TRAF3IP2: variants seen among roughly 807,000 people sequenced by gnomAD.
The protein encoded by TRAF3IP2 is E3 ubiquitin ligase TRAF3IP2.
TRAF3IP2 carries 35 observed loss-of-function variants against 57.9 expected under a neutral mutation model. That is an observed-to-expected ratio of 0.60 (90% confidence interval 0.46 to 0.80). The LOEUF (loss-of-function observed/expected upper bound fraction) is 0.80, where lower values mean the gene tolerates loss of function less well. Ranked by LOEUF, TRAF3IP2 falls within the 30% of genes least tolerant of loss-of-function variation. The pLI is 0.00. For synonymous variants in TRAF3IP2, 251 were observed against 268.9 expected (o/e 0.93, Z 0.65); for missense variants, 556 against 706.4 (o/e 0.79, Z 2.41).
intron 1 of TRAF3IP2, among the ~76,000 whole-genome samples, chr6:111,595,238 G>T (rs973622413): frequency 1.3e-5 from 2 of 152,000 alleles, no homozygotes; most frequent in Non-Finnish European, 2.9e-5. Flanking sequence ...TGTCTCAAAA[G>T]AAAATAAAAT....
intron 3 of TRAF3IP2, among the ~76,000 whole-genome samples, chr6:111,579,987 C>G (rs372929908): frequency 6.6e-6 from 1 of 152,322 alleles, no homozygotes; most frequent in Admixed American, 6.5e-5. Context: ...CGACTAGTCA[C>G]TAGTGGCTTT....
intron 3 of TRAF3IP2, among the ~76,000 whole-genome samples, chr6:111,578,395 C>G (rs771201834): frequency 3.3e-5 from 5 of 152,160 alleles, no homozygotes; most frequent in African/African-American, 9.7e-5. Flanking sequence ...AATCCCAGCA[C>G]TTTGGGAGGC....
At position 111,575,843 on chromosome 6, in the gene TRAF3IP2, G is replaced by C. The variant is rs188232788; in HGVS notation, c.1023-22C>G. The stretch of plus-strand genomic sequence containing the variant: ...GTCCCTAGAAAGGAATACATTTACA[G>C]TCAATTTTCATTCTTTACAAAGGCA... On this transcript the variant is annotated intron_variant, in intron 3 of 8. Transcript: ENST00000368761. The C allele has an allele frequency of 1.9e-4, 302 of 1,602,102 alleles. 1 individual carries two copies. In the African/African-American group the frequency reaches 3.6e-3, roughly 19 times the overall value.
Position 111,591,758 on chromosome 6 carries a change from C to G in TRAF3IP2, c.329G>C (p.Cys110Ser). Residue 110 changes from cysteine (C) to serine (S), a missense_variant, in exon 2 of 9, where the codon TGC becomes TCC. Physicochemically the swap from Cys to Ser is moderately radical, Grantham distance 112. Transcript: ENST00000368761. This position sits in a 1 kb window ranked among gnomAD's most constrained non-coding sequence, Gnocchi z 4.9. ...PGLGKAFPSGCSAVSEPASES... is the reference protein window; with the variant it reads ...PGLGKAFPSGSSAVSEPASES... ...AGACGCAGGCTCGCTGACTGCAGAGCACCCAGAAGGGAAAGCTTTGCCCAG... is the reference window on the plus strand; with the variant it reads ...AGACGCAGGCTCGCTGACTGCAGAGGACCCAGAAGGGAAAGCTTTGCCCAG... 1 of 1,614,218 alleles carries G rather than the reference C, an allele frequency of 6.2e-7. No individual in the cohort carries two copies. The highest frequency in any genetic ancestry group is 8.5e-7 in the Non-Finnish European group (1 of 1,180,046).
At chr6:111,581,726 C>CCCGCA (rs1562428329) in intron 2 of TRAF3IP2, among the ~76,000 whole-genome samples, 1 of 151,572 alleles carries the variant, frequency 6.6e-6, no homozygotes, top group African/African-American at 2.4e-5. Context: ...ACCTGTAATC[C>CCCGCA]CAGCACTTTG....
At chr6:111,603,676 C>T (rs546024898) in intron 1 of TRAF3IP2, among the ~76,000 whole-genome samples, 85 of 152,278 alleles carry the variant, frequency 5.6e-4, no homozygotes, top group African/African-American at 2.0e-3. Flanking sequence ...TTTTTCTTTT[C>T]AGAGCATTTG....
intron 3 of TRAF3IP2, among the ~76,000 whole-genome samples, chr6:111,579,502 G>A (rs1215470699): frequency 1.3e-5 from 2 of 152,300 alleles, no homozygotes; most frequent in East Asian, 1.9e-4. Flanking sequence ...GAAGGCCAAG[G>A]TGGGTGGATC....
chr6:111,598,274 G>A, intron 1 of TRAF3IP2: 1 of 172,536 alleles, frequency 5.8e-6, no homozygotes, highest in South Asian at 1.3e-4. Flanking sequence ...GTGCAATTTG[G>A]CAATAACTAT....
intron 3 of TRAF3IP2, 43 bp from the exon 4 acceptor site, chr6:111,575,864 A>G: frequency 6.3e-7 from 1 of 1,576,642 alleles, no homozygotes; most frequent in Non-Finnish European, 8.6e-7. Flanking sequence ...TTCTTTACAA[A>G]GGCAAACCTT....
Position 111,580,264 on chromosome 6 carries a change from T to G in TRAF3IP2, c.955A>C (p.Ser319Arg). 1.2e-6 allele frequency: 2 copies of G among 1,613,058 alleles called. No homozygotes were observed. The highest frequency in any genetic ancestry group is 1.7e-6 in the Non-Finnish European group (2 of 1,179,062). ...GGCCTCTCTTCGTGGTCCCAGGGGCTGGGATAATTCAGGATAACCTTCTGC... is the reference window on the plus strand; with the variant it reads ...GGCCTCTCTTCGTGGTCCCAGGGGCGGGGATAATTCAGGATAACCTTCTGC... ...PVQKVILNYP[S>R]PWDHEERPAQ... Residue 319 changes from serine to arginine, a missense_variant, in exon 3 of 9, where the codon AGC becomes CGC. Ser to Arg is a moderately radical substitution (Grantham distance 110, BLOSUM62 -1). This residue lies in a region of TRAF3IP2 where 428 missense variants were observed against 498.7 expected (regional missense o/e 0.86). Transcript: ENST00000368761.
intron 8 of TRAF3IP2, among the ~76,000 whole-genome samples, chr6:111,559,930 T>C (rs1185739239): frequency 1.3e-5 from 2 of 152,200 alleles, no homozygotes; most frequent in African/African-American, 4.8e-5. Flanking sequence ...CTTAAATCAA[T>C]TCATTACTCT....
At position 111,575,793 on chromosome 6, in the gene TRAF3IP2, T is replaced by G; in HGVS notation, c.1051A>C (p.Arg351=). ...AAGGACTCCCCAGGAGCACCAGCTC[T>G]ATTAGGTGGCTGGTGATGTGGCTGG... is the stretch of plus-strand genomic sequence containing the variant. The part of the protein sequence containing the change: ...QDQPHHQPPN[R]AGAPGESLEC... Residue 351 remains arginine, a synonymous_variant, in exon 4 of 9, where the codon AGA becomes CGA. Coordinates refer to ENST00000368761, the MANE Select transcript of TRAF3IP2 (RefSeq NM_147686.4). The G allele has an allele frequency of 6.2e-7, 1 of 1,609,922 alleles. No homozygotes were observed. Among genetic ancestry groups the G allele is most frequent in the Non-Finnish European group, 8.5e-7 (1 of 1,178,740 alleles).
chr6:111,560,894 G>A (rs1297845648), intron 8 of TRAF3IP2, among the ~76,000 whole-genome samples: 1 of 152,108 alleles, frequency 6.6e-6, no homozygotes, highest in Non-Finnish European at 1.5e-5. Context: ...AGGTAAAGAG[G>A]TGTCAGGGCA....
chr6:111,565,866 A>G (rs893257161), intron 7 of TRAF3IP2, among the ~76,000 whole-genome samples: 2 of 152,170 alleles, frequency 1.3e-5, no homozygotes, highest in Admixed American at 6.5e-5. Context: ...TTTTGAAAAC[A>G]TTATTTCATT....
intron 1 of TRAF3IP2, chr6:111,594,403 A>C (rs1207626988): frequency 2.8e-6 from 1 of 355,548 alleles, no homozygotes; most frequent in African/African-American, 2.2e-5. Flanking sequence ...TTCAATCCTC[A>C]CTCTTCAGGT....
chr6:111,563,971 G>T (rs1795537403), intron 7 of TRAF3IP2, among the ~76,000 whole-genome samples: 3 of 152,222 alleles, frequency 2.0e-5, no homozygotes, highest in African/African-American at 7.2e-5. Context: ...AAAGCTTTCA[G>T]TCATCTGATG....
At chr6:111,580,116 G>A (rs1355052924) in intron 3 of TRAF3IP2, 81 bp downstream of exon 3, 7 of 1,512,894 alleles carry the variant, frequency 4.6e-6, no homozygotes, top group Middle Eastern at 1.7e-4. Flanking sequence ...AACCTATAGA[G>A]AATTCTGTTA....
At chr6:111,600,166 ATTTTG>A (rs1200256292) in intron 1 of TRAF3IP2, 1 of 152,188 alleles carries the variant, frequency 6.6e-6, no homozygotes, top group Non-Finnish European at 1.5e-5. Context: ...AGCAATGGCC[ATTTTG>A]TTATTTTTAC....
chr6:111,594,496 A>G (rs747198968), intron 1 of TRAF3IP2: 47 of 452,872 alleles, frequency 1.0e-4, no homozygotes, highest in South Asian at 7.2e-4. Context: ...AAAGTTGCAA[A>G]TTCTACTCTT....
Sources: gnomAD v4.1 joint callset for allele counts (sites outside exome capture counted in the v4.1 genomes callset) on GRCh38, gnomAD v4.1.1 for gene constraint, gnomAD v4.1.1 regional missense constraint, Gnocchi (gnomAD v3.1) non-coding constraint, MANE v1.5 for transcripts, NCBI Gene and HGNC (gene_info 2026-07-23, HGNC 2026-07-21) for gene names.